USP47: variants seen among roughly 807,000 people sequenced by gnomAD.
The protein encoded by USP47 is ubiquitin carboxyl-terminal hydrolase 47.
USP47 carries 35 observed loss-of-function variants against 165.1 expected under a neutral mutation model. The ratio of observed to expected loss-of-function variants is 0.21; its 90% CI spans 0.16 to 0.28. USP47 has a LOEUF of 0.28. USP47 is among the 10% of genes least tolerant of loss of function. The pLI is 1.00. For missense variants in USP47, 1,277 were observed against 1,607.4 expected (o/e 0.79, Z 3.52); for synonymous variants, 531 against 544.5 (o/e 0.98, Z 0.35).
chr11:11,873,338 A>G (rs1210815409), intron 1 of USP47, among the ~76,000 whole-genome samples: 1 of 152,142 alleles, frequency 6.6e-6, no homozygotes, highest in African/African-American at 2.4e-5. Flanking sequence ...TTGTAATTTA[A>G]TTGTTAAACT....
At chr11:11,872,087 A>T (rs1850106418) in intron 1 of USP47, among the ~76,000 whole-genome samples, 1 of 152,154 alleles carries the variant, frequency 6.6e-6, no homozygotes, top group Non-Finnish European at 1.5e-5. Context: ...GGTTAGGCTG[A>T]AACAGCTTGT....
intron 1 of USP47, among the ~76,000 whole-genome samples, chr11:11,863,866 T>C (rs527936795): frequency 6.6e-6 from 1 of 152,286 alleles, no homozygotes; most frequent in Admixed American, 6.5e-5. Flanking sequence ...GCGCTTATTT[T>C]CTGGCAGTAC....
Position 11,936,493 on chromosome 11 carries a change from A to G in USP47, c.2060A>G (p.Gln687Arg), listed in dbSNP as rs970972495. Residue 687 changes from glutamine (Q) to arginine (R), a missense_variant, in exon 17 of 28, where the codon CAA becomes CGA. Physicochemically the swap from Gln to Arg is conservative, Grantham distance 43. Transcript: ENST00000527733. ...ACGAGAAAGCCTGATCAGGTTTTCC[A>G]ATCTTATAAACCTGGAGGTGAGCAA... ...LETRKPDQVF[Q>R]SYKPGEVMVK... 3.1e-6 allele frequency: 5 copies of G among 1,588,218 alleles called. No individual in the cohort carries two copies. The highest frequency in any genetic ancestry group is 4.3e-6 in the Non-Finnish European group (5 of 1,163,170).
intron 5 of USP47, among the ~76,000 whole-genome samples, chr11:11,901,406 A>G (rs1841961002): frequency 6.6e-6 from 1 of 152,210 alleles, no homozygotes; most frequent in Non-Finnish European, 1.5e-5. Flanking sequence ...TTAGGTGTAT[A>G]TTATGAATAC....
intron 5 of USP47, among the ~76,000 whole-genome samples, chr11:11,898,316 A>G (rs1193386971): frequency 6.6e-6 from 1 of 152,088 alleles, no homozygotes; most frequent in Non-Finnish European, 1.5e-5. Flanking sequence ...ATAAACACAT[A>G]ATTTTTTAGT....
At chr11:11,938,200 G>GAATGTATTTAA in intron 17 of USP47, 57 bp from the exon 18 acceptor site, 2 of 1,481,684 alleles carry the variant, frequency 1.3e-6, no homozygotes, top group African/African-American at 2.8e-5. Flanking sequence ...CATTACTCAT[G>GAATGTATTTAA]TGAAATACAT....
chr11:11,910,771 G>T (rs894718029), intron 8 of USP47, among the ~76,000 whole-genome samples: 3 of 152,108 alleles, frequency 2.0e-5, no homozygotes, highest in Non-Finnish European at 2.9e-5. Context: ...CCTTTCCCCA[G>T]ATGGTACAGT....
intron 8 of USP47, among the ~76,000 whole-genome samples, chr11:11,913,070 C>T (rs979725239): frequency 5.3e-5 from 8 of 151,950 alleles, no homozygotes; most frequent in Non-Finnish European, 1.2e-4. Context: ...AGACTGCTTT[C>T]TTCCTAGGGA....
At chr11:11,934,446 C>T (rs1196217078) in intron 16 of USP47, among the ~76,000 whole-genome samples, 1 of 152,016 alleles carries the variant, frequency 6.6e-6, no homozygotes, top group Non-Finnish European at 1.5e-5. Flanking sequence ...GAAACTTTAA[C>T]CATGAGAAAG....
chr11:11,920,519 T>A, intron 10 of USP47, 25 bp downstream of exon 10: 1 of 1,583,614 alleles, frequency 6.3e-7, no homozygotes, highest in Non-Finnish European at 8.6e-7. Flanking sequence ...TTTTAAAGTA[T>A]TTTTCATTAA....
intron 6 of USP47, 96 bp from the exon 7 acceptor site, chr11:11,903,167 A>G (rs1435177914): frequency 7.4e-6 from 9 of 1,211,852 alleles, no homozygotes; most frequent in African/African-American, 1.5e-5. Flanking sequence ...TATTTAAGGT[A>G]GACTTCAATA....
intron 4 of USP47, among the ~76,000 whole-genome samples, chr11:11,894,490 A>G (rs1401690710): frequency 6.6e-6 from 1 of 152,162 alleles, no homozygotes; most frequent in African/African-American, 2.4e-5. Flanking sequence ...CCAAGGCATT[A>G]CTTCCCAAAA....
intron 18 of USP47, among the ~76,000 whole-genome samples, chr11:11,939,148 A>T (rs1397031596): frequency 1.3e-5 from 2 of 152,022 alleles, no homozygotes; most frequent in Admixed American, 1.3e-4. Context: ...GGGCAAAAGG[A>T]TTAGTCCACA....
In USP47 at chr11:11,920,453, G is replaced by A. The variant is rs1442826958; in HGVS notation, c.1177G>A (p.Glu393Lys). 8.1e-6 allele frequency: 13 copies of A among 1,610,474 alleles called. No homozygotes were observed. The highest frequency in any genetic ancestry group is 3.4e-5 in the Admixed American group (2 of 59,676). The change falls in exon 10 of 28, where the codon GAG becomes AAG. Residue 393 changes from glutamate to lysine, a missense_variant. Transcript: ENST00000527733. Reference protein sequence around the residue: ...IKLNDRMTFPEELDMSTFIDV... With the variant: ...IKLNDRMTFPKELDMSTFIDV... ...ACTGAATGATCGAATGACATTTCCCGAGGAACTAGATATGAGTACTTTTAT... is the reference window on the plus strand; with the variant it reads ...ACTGAATGATCGAATGACATTTCCCAAGGAACTAGATATGAGTACTTTTAT...
At position 11,960,892 on chromosome 11, in the gene USP47, C is replaced by T. The variant is rs1847423417; in HGVS notation, c.*4717C>T. 6.6e-6 allele frequency among the ~76,000 whole-genome samples: 1 copy of T among 152,166 alleles called. No individual in the cohort carries two copies. Among genetic ancestry groups the T allele is most frequent in the South Asian group, 2.1e-4 (1 of 4,822 alleles). On this transcript the variant is annotated 3_prime_UTR_variant, in exon 28 of 28. Transcript: ENST00000527733. ...CTTCCTGTCTTTGTCCCTCACACTA[C>T]AGCAGGCCCCTCCCTTCCCTCTTCA... is the stretch of plus-strand genomic sequence containing the variant.
intron 1 of USP47, among the ~76,000 whole-genome samples, chr11:11,850,032 C>T (rs1249774323): frequency 6.6e-6 from 1 of 151,860 alleles, no homozygotes; most frequent in African/African-American, 2.4e-5. Flanking sequence ...CTTTTTTTCT[C>T]TTTGCGAGCT....
In USP47 at chr11:11,942,676, T is replaced by C. The variant is rs1855559143; in HGVS notation, c.2655T>C (p.Phe885=). 1.2e-6 allele frequency: 2 copies of C among 1,613,456 alleles called. No individual in the cohort carries two copies. Among genetic ancestry groups the C allele is most frequent in the Admixed American group, 1.7e-5 (1 of 59,902 alleles). ...GCAAAAGTACTGAGACAAGTGACTT[T>C]GAAAACATCGAATCACCTCTCAATG... is the stretch of plus-strand genomic sequence containing the variant. ...DSSKSTETSD[F]ENIESPLNER... The change falls in exon 20 of 28, where the codon TTT becomes TTC. Residue 885 remains phenylalanine (F), a synonymous_variant. Coordinates refer to ENST00000527733, the MANE Select transcript of USP47 (RefSeq NM_001282659.2).
intron 19 of USP47, among the ~76,000 whole-genome samples, chr11:11,941,639 T>C (rs940713730): frequency 6.6e-6 from 1 of 152,064 alleles, no homozygotes; most frequent in Admixed American, 6.6e-5. Context: ...CCAGATTATT[T>C]GATAAACTTC....
At chr11:11,889,780 G>A (rs965051773) in intron 3 of USP47, among the ~76,000 whole-genome samples, 1 of 152,108 alleles carries the variant, frequency 6.6e-6, no homozygotes, top group African/African-American at 2.4e-5. Context: ...GAAGCTGAAG[G>A]CATCATGCTA....
Sources: allele counts gnomAD v4.1 joint callset (sites outside exome capture counted in the v4.1 genomes callset), GRCh38; gene constraint gnomAD v4.1.1; transcripts MANE v1.5; gene names NCBI Gene and HGNC (gene_info 2026-07-23, HGNC 2026-07-21).